Variants in ASCC3 observed in about 807,000 individuals in gnomAD.
ASCC3 encodes ASC-1 complex subunit P200.
ASCC3 carries 158 observed loss-of-function variants against 256.3 expected under a neutral mutation model. The observed-to-expected ratio is 0.62, with a 90% confidence interval of 0.54 to 0.70. The LOEUF (loss-of-function observed/expected upper bound fraction) is 0.70. Ranked by LOEUF, ASCC3 falls within the 30% of genes least tolerant of loss-of-function variation. ASCC3 has a pLI of 0.00. For synonymous variants in ASCC3, 948 were observed against 883.4 expected, an observed-to-expected ratio of 1.07 and a Z score of -1.30; for missense variants, 2,259 against 2,626.0, an observed-to-expected ratio of 0.86 and a Z score of 3.05.
chr6:100,642,458 G>T, intron 24 of ASCC3, 123 bp downstream of exon 24: 2 of 966,310 alleles, frequency 2.1e-6, no homozygotes, highest in Non-Finnish European at 3.2e-6. Flanking sequence ...AATAAAAAGG[G>T]AGTTATAGAG....
At chr6:100,692,633 T>C (rs1234251051) in intron 13 of ASCC3, among the ~76,000 whole-genome samples, 1 of 152,086 alleles carries the variant, frequency 6.6e-6, no homozygotes, top group Non-Finnish European at 1.5e-5. Flanking sequence ...TTTATAAACA[T>C]ATTCTCTGAA....
At chr6:100,880,234 A>G (rs1468603047) in intron 1 of ASCC3, among the ~76,000 whole-genome samples, 2 of 152,218 alleles carry the variant, frequency 1.3e-5, no homozygotes, top group African/African-American at 4.8e-5. Context: ...CTGGAGCACA[A>G]TCCATAGTAA....
At chr6:100,745,486 CAAAAAAAAAAACCTAACCA>C (rs1780619703) in intron 10 of ASCC3, among the ~76,000 whole-genome samples, 1 of 82,134 alleles carries the variant, frequency 1.2e-5, no homozygotes, top group South Asian at 4.7e-4. Context: ...GACTTGGTCT[CAAAAAAAAAAACCTAACCA>C]AAAAAAAAAA....
At chr6:100,526,795 G>T (rs909163727) in intron 37 of ASCC3, among the ~76,000 whole-genome samples, 1 of 152,148 alleles carries the variant, frequency 6.6e-6, no homozygotes, top group Non-Finnish European at 1.5e-5. Flanking sequence ...CCACTAATAC[G>T]ACTTCATCAG....
intron 14 of ASCC3, among the ~76,000 whole-genome samples, chr6:100,675,012 T>C (rs926230139): frequency 6.6e-6 from 1 of 152,122 alleles, no homozygotes; most frequent in Admixed American, 6.5e-5. Flanking sequence ...AGGCAGAGTG[T>C]GTGAATCAAC....
chr6:100,870,464 C>T (rs1056555029), intron 1 of ASCC3, among the ~76,000 whole-genome samples: 2 of 152,074 alleles, frequency 1.3e-5, no homozygotes, highest in Non-Finnish European at 2.9e-5. Flanking sequence ...CATTCTGGGG[C>T]TCAGGGTGAC....
chr6:100,867,800 A>G, intron 2 of ASCC3, 108 bp downstream of exon 2: 1 of 984,626 alleles, frequency 1.0e-6, no homozygotes, highest in Non-Finnish European at 1.6e-6. Flanking sequence ...ACCAAACAAG[A>G]TAAAACTTCC....
At chr6:100,682,473 G>C (rs1425136323) in intron 13 of ASCC3, among the ~76,000 whole-genome samples, 1 of 152,152 alleles carries the variant, frequency 6.6e-6, no homozygotes, top group Non-Finnish European at 1.5e-5. Context: ...CACAATTTAA[G>C]GAGAAAGATA....
chr6:100,816,838 A>C (rs1301124877), intron 4 of ASCC3, among the ~76,000 whole-genome samples: 2 of 152,166 alleles, frequency 1.3e-5, no homozygotes, highest in East Asian at 3.9e-4. Flanking sequence ...AATAATCCGT[A>C]CAACAAACCC....
At chr6:100,634,707 T>C (rs1485051937) in intron 25 of ASCC3, among the ~76,000 whole-genome samples, 1 of 151,618 alleles carries the variant, frequency 6.6e-6, no homozygotes, top group Non-Finnish European at 1.5e-5. Flanking sequence ...AATTTACACC[T>C]GTTAAAATGG....
At chr6:100,878,835 T>A (rs1205349633) in intron 1 of ASCC3, among the ~76,000 whole-genome samples, 1 of 152,290 alleles carries the variant, frequency 6.6e-6, no homozygotes. Flanking sequence ...TTTCTCCCCA[T>A]GCACCAAGCA....
intron 13 of ASCC3, among the ~76,000 whole-genome samples, chr6:100,689,749 C>A (rs1222117624): frequency 2.6e-5 from 4 of 152,106 alleles, no homozygotes; most frequent in African/African-American, 7.2e-5. Context: ...AATTACTCAA[C>A]CAAATAATTT....
At chr6:100,691,042 A>G (rs1372357403) in intron 13 of ASCC3, among the ~76,000 whole-genome samples, 1 of 152,104 alleles carries the variant, frequency 6.6e-6, no homozygotes, top group Non-Finnish European at 1.5e-5. Flanking sequence ...AGAAATCAAC[A>G]ATACTTTACA....
At chr6:100,526,888 T>C (rs7766621) in intron 37 of ASCC3, among the ~76,000 whole-genome samples, 14,162 of 152,226 alleles carry the variant, frequency 0.093, 1,069 homozygotes, top group East Asian at 0.31. Context: ...TCTATGAATT[T>C]GATAAGGTCA....
intron 34 of ASCC3, among the ~76,000 whole-genome samples, chr6:100,593,440 A>T (rs1772107823): frequency 6.6e-6 from 1 of 152,160 alleles, no homozygotes; most frequent in African/African-American, 2.4e-5. Flanking sequence ...AAGGACAAAC[A>T]AGAATACTAC....
intron 25 of ASCC3, among the ~76,000 whole-genome samples, chr6:100,638,051 C>T (rs1774932052): frequency 1.3e-5 from 2 of 152,100 alleles, no homozygotes; most frequent in African/African-American, 4.8e-5. Context: ...TATCAGGCGG[C>T]ATCACATGCT....
At chr6:100,799,878 GT>G (rs1769827008) in intron 6 of ASCC3, among the ~76,000 whole-genome samples, 1 of 151,896 alleles carries the variant, frequency 6.6e-6, no homozygotes, top group African/African-American at 2.4e-5. Context: ...TTTGAAATGT[GT>G]TTCAATCTTT....
chr6:100,695,569 C>T (rs904299478), intron 13 of ASCC3, among the ~76,000 whole-genome samples: 3 of 152,152 alleles, frequency 2.0e-5, no homozygotes, highest in African/African-American at 7.2e-5. Context: ...CAAAGGGTAA[C>T]AAAAGCCTAG....
chr6:100,685,941 C>T (rs1250259816), intron 13 of ASCC3, among the ~76,000 whole-genome samples: 2 of 152,162 alleles, frequency 1.3e-5, no homozygotes, highest in African/African-American at 4.8e-5. Flanking sequence ...TGACCACATT[C>T]TTATTCTTCT....
Sources: gnomAD v4.1 joint callset for allele counts (sites outside exome capture counted in the v4.1 genomes callset) on GRCh38, gnomAD v4.1.1 for gene constraint, MANE v1.5 for transcripts, NCBI Gene and HGNC (gene_info 2026-07-23, HGNC 2026-07-21) for gene names.